Variants in SORBS3 observed in about 807,000 individuals in gnomAD.
SORBS3 encodes vinexin.
A neutral mutation model predicts 98.0 loss-of-function variants in SORBS3; 69 were observed. The observed-to-expected ratio is 0.70, with a 90% confidence interval of 0.58 to 0.86. SORBS3 has a LOEUF of 0.86. Ranked by LOEUF, SORBS3 falls within the 40% of genes least tolerant of loss-of-function variation. The pLI, the probability that SORBS3 is intolerant of heterozygous loss-of-function variation, is 0.00. For synonymous variants in SORBS3, 394 were observed against 355.4 expected, an observed-to-expected ratio of 1.11 and a Z score of -1.22; for missense variants, 954 against 908.5, an observed-to-expected ratio of 1.05 and a Z score of -0.64.
intron 16 of SORBS3, among the ~76,000 whole-genome samples, chr8:22,568,518 ATAGGTATCATTAGGCCTCCC>A (rs1267800798): frequency 6.6e-6 from 1 of 152,046 alleles, no homozygotes; most frequent in East Asian, 1.9e-4. Flanking sequence ...TCTTGTTTTG[ATAGGTATCATTAGGCCTCCC>A]TTGCTTACAC....
Position 22,574,994 on chromosome 8 carries a change from A to G in SORBS3, c.*266A>G. ...TACAGAGGTCTGCTTTGAAGCGGAG[A>G]CCATTTCCAGGCCTTATTGAGACCA... On this transcript the variant is annotated 3_prime_UTR_variant, in exon 21 of 21. Transcript: ENST00000240123. The G allele has an allele frequency of 1.6e-6, 1 of 631,200 alleles. No individual in the cohort carries two copies. The highest frequency in any genetic ancestry group is 1.5e-5 in the South Asian group (1 of 66,068). 39.1% of individuals were successfully genotyped at this position (631,200 alleles called of 1,614,324 possible). A position where few individuals can be genotyped will look rare whatever the true frequency, so the allele number is the denominator to read the frequency against.
chr8:22,558,192 G>A lies in SORBS3; in HGVS notation c.478G>A (p.Asp160Asn), dbSNP rs747591236. The A allele has an allele frequency of 3.7e-6, 6 of 1,614,074 alleles. No homozygotes were observed. In the South Asian group the frequency reaches 5.5e-5, roughly 15 times the overall value. The change falls in exon 5 of 21, where the codon GAC (aspartate) becomes AAC (asparagine). Residue 160 changes from aspartate (D) to asparagine (N), a missense_variant and splice_region_variant. Transcript: ENST00000240123. ...MFQQIHRKMP[D>N]LQLDWTFEEP... ...CCAGCAGATTCACCGGAAAATGCCAGGTAAGATACCCTTCCAGGGCCCTCT... is the reference window on the plus strand; with the variant it reads ...CCAGCAGATTCACCGGAAAATGCCAAGTAAGATACCCTTCCAGGGCCCTCT...
chr8:22,550,097 T>G (rs1305431086), upstream of SORBS3: 5 of 854,970 alleles, frequency 5.8e-6, no homozygotes, highest in East Asian at 6.1e-4. Flanking sequence ...GGCACCTATT[T>G]TATCCCTGAG....
rs369761765 is a variant in SORBS3 at position 22,556,867 on chromosome 8, G to A, written c.373G>A (p.Gly125Arg). The change falls in exon 4 of 21, where the codon GGG becomes AGG. Residue 125 changes from glycine (G) to arginine (R), a missense_variant. Gly to Arg is a moderately radical substitution (Grantham distance 125, BLOSUM62 -2). Coordinates refer to ENST00000240123, the MANE Select transcript of SORBS3 (RefSeq NM_005775.5). ...DKRWVKYEGI[G>R]PVDESGMPIA... ...GCGCTGGGTCAAGTACGAGGGAATC[G>A]GGCCCGTGGACGAGAGCGGCATGCC... 26 of 1,613,224 alleles carry A rather than the reference G, an allele frequency of 1.6e-5. No homozygotes were observed. The highest frequency in any genetic ancestry group is 3.3e-4 in the Middle Eastern group (2 of 6,084).
rs753627922 is a variant in SORBS3 at position 22,569,117 on chromosome 8, C to T, written c.1306-31C>T. On this transcript the variant is annotated intron_variant, in intron 16 of 20. Coordinates refer to ENST00000240123, the MANE Select transcript of SORBS3 (RefSeq NM_005775.5). ...GCCTGTGCTATGTTGATGCCCAGGC[C>T]AAATCTTTCTCATGACCTTTCTTCA... is the stretch of plus-strand genomic sequence containing the variant. 3.1e-6 allele frequency: 5 copies of T among 1,591,674 alleles called. 1 individual carries two copies. In the South Asian group the frequency reaches 5.7e-5, roughly 18 times the overall value.
chr8:22,545,083 A>C lies in SORBS3; in HGVS notation n.98A>C, dbSNP rs1840003420. On this transcript the variant is annotated non_coding_transcript_exon_variant, in exon 1 of 5. Coordinates refer to the SORBS3 transcript ENST00000522037. ...GTTTGTGGTTATAACCATGGCTTCC[A>C]CCTTGTCTGGCACCGGGTCCACATC... 5.3e-5 allele frequency: 8 copies of C among 152,204 alleles called. No homozygotes were observed. In the South Asian group the frequency reaches 1.5e-3, roughly 28 times the overall value. The allele number at this position is 152,204 out of a possible 1,614,324, so 9.4% of individuals were successfully genotyped here. A position where few individuals can be genotyped will look rare whatever the true frequency, so the allele number is the denominator to read the frequency against.
intron 4 of SORBS3, among the ~76,000 whole-genome samples, chr8:22,557,810 TC>T (rs918312335): frequency 6.6e-6 from 1 of 151,996 alleles, no homozygotes; most frequent in African/African-American, 2.4e-5. Context: ...AGACCCTGTC[TC>T]CCCACAAAAG....
chr8:22,565,616 G>T, intron 11 of SORBS3: 7 of 799,028 alleles, frequency 8.8e-6, no homozygotes, highest in Non-Finnish European at 1.2e-5. Context: ...CGCCCGCCCC[G>T]TCCGGCCCCC....
intron 7 of SORBS3, among the ~76,000 whole-genome samples, chr8:22,562,945 T>A (rs1465653890): frequency 6.6e-6 from 1 of 152,000 alleles, no homozygotes; most frequent in Non-Finnish European, 1.5e-5. Flanking sequence ...TGAAACCCCG[T>A]CTCTACTAAA....
intron 12 of SORBS3, 106 bp downstream of exon 12, chr8:22,565,978 G>A: frequency 1.3e-6 from 1 of 783,682 alleles, no homozygotes; most frequent in Non-Finnish European, 1.7e-6. Flanking sequence ...GGCCCAGCCG[G>A]GGGAGGAAGG....
intron 5 of SORBS3, among the ~76,000 whole-genome samples, chr8:22,559,438 C>T (rs900966833): frequency 1.3e-5 from 2 of 152,162 alleles, no homozygotes; most frequent in African/African-American, 4.8e-5. Context: ...CGGTGGCTCA[C>T]GCCTGTAATC....
intron 7 of SORBS3, 32 bp from the exon 8 acceptor site, chr8:22,563,955 G>A (rs780428672): frequency 6.4e-7 from 1 of 1,554,110 alleles, no homozygotes; most frequent in Admixed American, 1.7e-5. Context: ...TCCCTAAAAG[G>A]AAGCTGAAGA....
rs754592191 is a variant in SORBS3, at chr8:22,564,322, G to A, written c.715G>A (p.Glu239Lys). 10 of 1,613,528 alleles carry A rather than the reference G, an allele frequency of 6.2e-6. No homozygotes were observed. Among genetic ancestry groups the A allele is most frequent in the Non-Finnish European group, 8.5e-6 (10 of 1,179,694 alleles). The change falls in exon 9 of 21, where the codon GAA (glutamate) becomes AAA (lysine). Residue 239 changes from glutamate to lysine, a missense_variant. Coordinates refer to ENST00000240123, the MANE Select transcript of SORBS3 (RefSeq NM_005775.5). Reference sequence around the variant, plus strand: ...GGAAAAAGTAGACAATGTCTGGACGGAAGAGTCCTGGAACCAGTTTCTGCA... The same window carrying A: ...GGAAAAAGTAGACAATGTCTGGACGAAAGAGTCCTGGAACCAGTTTCTGCA... ...RREKVDNVWTEESWNQFLQEL... is the reference protein window; with the variant it reads ...RREKVDNVWTKESWNQFLQEL...
intron 5 of SORBS3, among the ~76,000 whole-genome samples, chr8:22,560,096 G>A (rs1840262580): frequency 6.6e-6 from 1 of 150,988 alleles, no homozygotes; most frequent in African/African-American, 2.4e-5. Context: ...TTGATTTAAA[G>A]TTTCCCCAGT....
At chr8:22,574,613 C>T (rs1840680027) in intron 20 of SORBS3, 54 bp from the exon 21 acceptor site, 2 of 1,571,668 alleles carry the variant, frequency 1.3e-6, no homozygotes, top group Non-Finnish European at 8.7e-7. Context: ...CTCACCCCTG[C>T]ATCCCTGTTA....
upstream of SORBS3, chr8:22,549,868 C>A: frequency 3.7e-6 from 2 of 535,096 alleles, no homozygotes; most frequent in Non-Finnish European, 2.4e-6. Context: ...GTCAGCTCTG[C>A]TGCACCCTCT....
At chr8:22,551,889 G>T (rs752091), upstream of SORBS3, 33 of 984,884 alleles carry the variant, frequency 3.4e-5, no homozygotes, top group Non-Finnish European at 4.0e-5. This position sits in a 1 kb window ranked among gnomAD's most constrained non-coding sequence, Gnocchi z 5.8. Flanking sequence ...GTCCTGACCC[G>T]GTCACGAGGG....
At chr8:22,561,482 C>G in intron 6 of SORBS3, 109 bp downstream of exon 6, 1 of 1,216,920 alleles carries the variant, frequency 8.2e-7, no homozygotes, top group Non-Finnish European at 1.2e-6. Context: ...CCAGTTGGCT[C>G]AGTTCAACCT....
At chr8:22,566,614 A>G (rs1840428690) in intron 13 of SORBS3, 47 bp from the exon 14 acceptor site, 1 of 1,582,810 alleles carries the variant, frequency 6.3e-7, no homozygotes, top group African/African-American at 1.4e-5. Context: ...GTGCAACCCC[A>G]TCCCCCAGGT....
Sources: gnomAD v4.1 joint callset for allele counts (sites outside exome capture counted in the v4.1 genomes callset) on GRCh38, gnomAD v4.1.1 for gene constraint, Gnocchi (gnomAD v3.1) non-coding constraint, MANE v1.5 for transcripts, NCBI Gene and HGNC (gene_info 2026-07-23, HGNC 2026-07-21) for gene names.